LRIF1: variants seen among roughly 807,000 people sequenced by gnomAD.
LRIF1 encodes the protein ligand dependent nuclear receptor interacting factor 1.
In LRIF1, 32 loss-of-function variants were observed where a neutral mutation model predicts 52.7. That is an observed-to-expected ratio of 0.61 (90% CI 0.46 to 0.82). LRIF1 has a LOEUF of 0.82. LRIF1 is among the 40% of genes least tolerant of loss of function. The pLI is 0.00. For missense variants in LRIF1, 887 were observed against 892.0 expected (o/e 0.99, Z 0.07); for synonymous variants, 323 against 317.4 (o/e 1.02, Z -0.19).
the LRIF1 span, among the ~76,000 whole-genome samples, chr1:110,912,503 C>T: frequency 1.3e-5 from 2 of 152,134 alleles, no homozygotes; most frequent in African/African-American, 2.4e-5. Context: ...TGAGCCACTG[C>T]ACCCAGCCAG....
the LRIF1 span, among the ~76,000 whole-genome samples, chr1:110,877,704 T>G: frequency 6.6e-6 from 1 of 152,222 alleles, no homozygotes; most frequent in African/African-American, 2.4e-5. Context: ...AACAAAATTT[T>G]TATCAGATTA....
chr1:110,951,532 G>T lies in LRIF1; in HGVS notation c.1352C>A (p.Ser451Tyr). Residue 451 changes from serine to tyrosine, a missense_variant, in exon 2 of 4, where the codon TCT (serine) becomes TAT (tyrosine). By Grantham distance (144) the Ser-to-Tyr change is moderately radical. Coordinates refer to ENST00000369763, the MANE Select transcript of LRIF1 (RefSeq NM_018372.4). ...CATATGTGGATTTGTGGTAGAAGGA[G>T]ATGGTTTCTCCACTTTATTCTTCTC... ...RAEKNKVEKP[S>Y]PSTTNPHMNQ... 1 of 1,614,150 alleles carries T rather than the reference G, an allele frequency of 6.2e-7. No individual in the cohort carries two copies. The highest frequency in any genetic ancestry group is 8.5e-7 in the Non-Finnish European group (1 of 1,180,008).
downstream of LRIF1, among the ~76,000 whole-genome samples, chr1:110,946,645 T>G (rs185612043): frequency 3.5e-3 from 519 of 149,758 alleles, 1 homozygote; most frequent in African/African-American, 0.012. Flanking sequence ...TTCCAGAGAT[T>G]TGATCCTTTT....
At chr1:110,932,731 G>A in the LRIF1 span, among the ~76,000 whole-genome samples, 1 of 152,074 alleles carries the variant, frequency 6.6e-6, no homozygotes, top group Non-Finnish European at 1.5e-5. Context: ...CTTCTTTGGA[G>A]GCTATGGAAA....
At chr1:110,895,403 C>T in the LRIF1 span, among the ~76,000 whole-genome samples, 2 of 152,126 alleles carry the variant, frequency 1.3e-5, no homozygotes, top group Non-Finnish European at 1.5e-5. Flanking sequence ...CATTGAGTTC[C>T]CGAGTTGCCC....
the LRIF1 span, among the ~76,000 whole-genome samples, chr1:110,888,998 C>T: frequency 2.6e-5 from 4 of 152,098 alleles, no homozygotes; most frequent in African/African-American, 9.7e-5. Flanking sequence ...TTCTTTGGGA[C>T]TTGACATATT....
chr1:110,905,713 T>C, the LRIF1 span, among the ~76,000 whole-genome samples: 1 of 152,164 alleles, frequency 6.6e-6, no homozygotes, highest in African/African-American at 2.4e-5. Flanking sequence ...TCACTGGTAA[T>C]AGTAAGTACA....
the LRIF1 span, chr1:110,941,705 T>C: frequency 6.6e-6 from 1 of 152,100 alleles, no homozygotes; most frequent in Non-Finnish European, 1.5e-5. Flanking sequence ...CCACACTTCT[T>C]GGTTGGTTTT....
the LRIF1 span, among the ~76,000 whole-genome samples, chr1:110,912,573 T>C: frequency 2.0e-5 from 3 of 152,260 alleles, no homozygotes; most frequent in East Asian, 5.8e-4. Flanking sequence ...TGTAATCCCA[T>C]TCATGATAGC....
At chr1:110,919,432 C>T in the LRIF1 span, among the ~76,000 whole-genome samples, 1 of 124,634 alleles carries the variant, frequency 8.0e-6, no homozygotes, top group African/African-American at 3.3e-5. Flanking sequence ...CCTAGTTCTT[C>T]AGTTTTGAAG....
rs762176884 is a variant in LRIF1 at position 110,952,287 on chromosome 1, T to C, written c.597A>G (p.Ser199=). The C allele has an allele frequency of 1.1e-5, 18 of 1,614,066 alleles. No homozygotes were observed. The highest frequency in any genetic ancestry group is 2.2e-5 in the East Asian group (1 of 44,894). Residue 199 remains serine (S), a synonymous_variant, in exon 2 of 4, where the codon TCA becomes TCG. Transcript: ENST00000369763. The stretch of plus-strand genomic sequence containing the variant: ...TTTGCTGCACTGAAGGAGGCAATGA[T>C]GACGCTGGTACAGATTTCACTTCAG... ...AHAEVKSVPA[S]SLPPSVQQKI...
chr1:110,899,852 ATCTC>A, the LRIF1 span: 3 of 152,698 alleles, frequency 2.0e-5, no homozygotes, highest in African/African-American at 7.2e-5. Context: ...TTCTGGTATT[ATCTC>A]TCTATCAGAT....
At chr1:110,875,976 T>C in the LRIF1 span, among the ~76,000 whole-genome samples, 1 of 152,204 alleles carries the variant, frequency 6.6e-6, no homozygotes, top group Non-Finnish European at 1.5e-5. Flanking sequence ...ACCCAAGCAA[T>C]AGCATCAATA....
chr1:110,952,140 G>A lies in LRIF1; in HGVS notation c.744C>T (p.Asn248=). 6.2e-7 allele frequency: 1 copy of A among 1,614,138 alleles called. No homozygotes were observed. The highest frequency in any genetic ancestry group is 1.3e-5 in the African/African-American group (1 of 75,028). ...TTTCTGTAACAGGTTTTGGGTAAAT[G>A]TTTTGAAAGTTCTTGGTAACTACAT... ...VKNVVTKNFQ[N]IYPKPVTEIA... is the part of the protein sequence containing the mutation. The change falls in exon 2 of 4, where the codon AAC becomes AAT. Residue 248 remains asparagine, a synonymous_variant. Coordinates refer to ENST00000369763, the MANE Select transcript of LRIF1 (RefSeq NM_018372.4).
chr1:110,907,836 C>T, the LRIF1 span, among the ~76,000 whole-genome samples: 1 of 152,186 alleles, frequency 6.6e-6, no homozygotes. Context: ...CTTTAACATC[C>T]TTCAGCACCT....
the LRIF1 span, among the ~76,000 whole-genome samples, chr1:110,910,125 C>T: frequency 2.2e-4 from 34 of 151,806 alleles, no homozygotes; most frequent in Admixed American, 6.6e-5. Flanking sequence ...AGATCATCAA[C>T]GCAGAAAACT....
At chr1:110,905,857 T>C in the LRIF1 span, among the ~76,000 whole-genome samples, 1 of 152,168 alleles carries the variant, frequency 6.6e-6, no homozygotes, top group Admixed American at 6.5e-5. Context: ...CAATAAGATA[T>C]AAGTAAAAAC....
chr1:110,905,963 T>C, the LRIF1 span, among the ~76,000 whole-genome samples: 1 of 152,128 alleles, frequency 6.6e-6, no homozygotes, highest in East Asian at 1.9e-4. Flanking sequence ...GTTAAGTTGT[T>C]ATCAGGTTAA....
the LRIF1 span, among the ~76,000 whole-genome samples, chr1:110,882,368 A>AT: frequency 6.6e-6 from 1 of 151,962 alleles, no homozygotes; most frequent in Non-Finnish European, 1.5e-5. Context: ...TAATATATTA[A>AT]TTTTGTATTT....
Sources: gnomAD v4.1 joint callset for allele counts (sites outside exome capture counted in the v4.1 genomes callset) on GRCh38, gnomAD v4.1.1 for gene constraint, MANE v1.5 for transcripts, NCBI Gene and HGNC (gene_info 2026-07-23, HGNC 2026-07-21) for gene names.